Variants in KCNH8 observed in about 807,000 individuals in gnomAD.
KCNH8 encodes the protein potassium voltage-gated channel subfamily H member 8, also known as voltage-gated delayed rectifier potassium channel KCNH8.
In KCNH8, 70 loss-of-function variants were observed where a neutral mutation model predicts 103.6. The ratio of observed to expected loss-of-function variants is 0.68; its 90% confidence interval spans 0.56 to 0.82. The LOEUF (loss-of-function observed/expected upper bound fraction) is 0.82. Ranked by LOEUF, KCNH8 falls within the 40% of genes least tolerant of loss-of-function variation. The probability of loss-of-function intolerance (pLI) is 0.00; values close to 1 mark genes in which losing one functional copy is unlikely to be tolerated. For missense variants in KCNH8, 1,217 were observed against 1,329.9 expected, an observed-to-expected ratio of 0.92 and a Z score of 1.32; for synonymous variants, 498 against 489.4, an observed-to-expected ratio of 1.02 and a Z score of -0.23.
At chr3:19,459,173 C>G (rs1372262849) in intron 11 of KCNH8, among the ~76,000 whole-genome samples, 2 of 151,930 alleles carry the variant, frequency 1.3e-5, no homozygotes, top group Non-Finnish European at 2.9e-5. Context: ...AAGAACTTCC[C>G]TACTGTTTTC....
chr3:19,403,433 A>C (rs60072470), intron 7 of KCNH8, among the ~76,000 whole-genome samples: 4,983 of 146,098 alleles, frequency 0.034, 195 homozygotes, highest in East Asian at 0.17. Context: ...ACTAAAGAAC[A>C]ATCTTTAACT....
intron 11 of KCNH8, among the ~76,000 whole-genome samples, chr3:19,458,221 C>T (rs891328154): frequency 6.6e-6 from 1 of 151,758 alleles, no homozygotes; most frequent in Non-Finnish European, 1.5e-5. Flanking sequence ...AATATGTTGC[C>T]TCATCTTGAA....
intron 7 of KCNH8, among the ~76,000 whole-genome samples, chr3:19,427,700 A>C (rs1291743289): frequency 6.6e-6 from 1 of 152,180 alleles, no homozygotes; most frequent in Non-Finnish European, 1.5e-5. Flanking sequence ...GCATACACAG[A>C]ACATTAAAAC....
intron 3 of KCNH8, among the ~76,000 whole-genome samples, chr3:19,305,850 A>T (rs1437769696): frequency 6.6e-6 from 1 of 152,056 alleles, no homozygotes; most frequent in Non-Finnish European, 1.5e-5. Flanking sequence ...CAAAACGAAG[A>T]GATGGAAAGA....
Position 19,467,427 on chromosome 3 carries a change from C to T in KCNH8, c.2040+10445C>T, listed in dbSNP as rs1314623604. Among the ~76,000 whole-genome samples, 6 of 152,270 alleles carry T rather than the reference C, an allele frequency of 3.9e-5. No homozygotes were observed. The East Asian group carries it at 9.7e-4, about 25-fold the overall frequency. On this transcript the variant is annotated intron_variant, in intron 11 of 15. Transcript: ENST00000328405. ...TTCTGATTGCTTTCTCTGTGATAGACACTGTGTATGCATTATCTGGTGAAA... is the reference window on the plus strand; with the variant it reads ...TTCTGATTGCTTTCTCTGTGATAGATACTGTGTATGCATTATCTGGTGAAA...
At chr3:19,375,964 C>G (rs1273591104) in intron 5 of KCNH8, among the ~76,000 whole-genome samples, 1 of 152,100 alleles carries the variant, frequency 6.6e-6, no homozygotes, top group Non-Finnish European at 1.5e-5. Context: ...GTTCTCAGAT[C>G]TCCAGCTGTG....
At chr3:19,244,024 G>A (rs1422560981) in intron 1 of KCNH8, among the ~76,000 whole-genome samples, 3 of 152,080 alleles carry the variant, frequency 2.0e-5, no homozygotes, top group Non-Finnish European at 4.4e-5. Flanking sequence ...AAAAAATATT[G>A]TCTTGTGGTC....
intron 2 of KCNH8, among the ~76,000 whole-genome samples, chr3:19,269,788 C>T (rs1192479724): frequency 6.6e-6 from 1 of 152,132 alleles, no homozygotes; most frequent in Non-Finnish European, 1.5e-5. Flanking sequence ...TCAGAGATCC[C>T]TCTAGGCCAT....
At chr3:19,188,817 T>C (rs575243341) in intron 1 of KCNH8, among the ~76,000 whole-genome samples, 1 of 152,124 alleles carries the variant, frequency 6.6e-6, no homozygotes, top group Admixed American at 6.6e-5. Flanking sequence ...GTTTGATTGA[T>C]TTTGTTTGTA....
At chr3:19,227,168 T>G (rs946736103) in intron 1 of KCNH8, among the ~76,000 whole-genome samples, 2 of 152,226 alleles carry the variant, frequency 1.3e-5, no homozygotes, top group African/African-American at 4.8e-5. Context: ...CTTCTAATCT[T>G]GAAAACCAGA....
At chr3:19,237,898 T>A (rs2064086157) in intron 1 of KCNH8, among the ~76,000 whole-genome samples, 2 of 152,218 alleles carry the variant, frequency 1.3e-5, no homozygotes, top group Non-Finnish European at 2.9e-5. Context: ...ATTTTGAAAC[T>A]ATTGGATAAG....
At chr3:19,397,606 C>A (rs930230330) in intron 7 of KCNH8, among the ~76,000 whole-genome samples, 8 of 150,910 alleles carry the variant, frequency 5.3e-5, no homozygotes. Flanking sequence ...TCCACATAAA[C>A]CATCAGAGGA....
chr3:19,236,552 A>T (rs1243135637), intron 1 of KCNH8, among the ~76,000 whole-genome samples: 1 of 152,116 alleles, frequency 6.6e-6, no homozygotes. Context: ...AAAATCTTAT[A>T]ATTTGTTATT....
At chr3:19,228,454 T>C (rs2063957079) in intron 1 of KCNH8, among the ~76,000 whole-genome samples, 1 of 152,222 alleles carries the variant, frequency 6.6e-6, no homozygotes, top group Admixed American at 6.5e-5. Context: ...TGGCTTATTT[T>C]GTAACATATG....
chr3:19,472,425 C>A (rs767105114), intron 11 of KCNH8, among the ~76,000 whole-genome samples: 3 of 152,068 alleles, frequency 2.0e-5, no homozygotes, highest in Non-Finnish European at 4.4e-5. Context: ...ATCATGTGGG[C>A]AGGTCTTTCC....
chr3:19,156,799 G>A (rs1386797645), intron 1 of KCNH8, among the ~76,000 whole-genome samples: 1 of 151,964 alleles, frequency 6.6e-6, no homozygotes, highest in African/African-American at 2.4e-5. Flanking sequence ...GGGTCATATA[G>A]AGGAAATTCT....
intron 3 of KCNH8, among the ~76,000 whole-genome samples, chr3:19,310,313 AT>A (rs918169379): frequency 6.6e-6 from 1 of 151,864 alleles, no homozygotes; most frequent in Non-Finnish European, 1.5e-5. Context: ...CTTTTTGAAG[AT>A]TTTTTTACTA....
At chr3:19,388,036 G>T (rs2066382670) in intron 5 of KCNH8, among the ~76,000 whole-genome samples, 1 of 151,810 alleles carries the variant, frequency 6.6e-6, no homozygotes, top group South Asian at 2.1e-4. Flanking sequence ...TCAACCATAG[G>T]TCATTCACTT....
At chr3:19,206,781 G>C (rs574592871) in intron 1 of KCNH8, among the ~76,000 whole-genome samples, 2 of 152,126 alleles carry the variant, frequency 1.3e-5, no homozygotes, top group South Asian at 2.1e-4. Flanking sequence ...GAATCACCCA[G>C]GGGATGAACT....
Sources: allele counts gnomAD v4.1 joint callset (sites outside exome capture counted in the v4.1 genomes callset), GRCh38; gene constraint gnomAD v4.1.1; transcripts MANE v1.5; gene names NCBI Gene and HGNC (gene_info 2026-07-23, HGNC 2026-07-21).